Variants in EYS observed in about 807,000 individuals in gnomAD.
EYS encodes EGF-like photoreceptor maintenance factor.
Under a neutral mutation model 282.1 loss-of-function variants are expected in EYS, and 250 were observed. The ratio of observed to expected loss-of-function variants is 0.89; its 90% CI spans 0.80 to 0.98. The LOEUF is 0.98. Ranked by LOEUF, EYS falls within the 50% of genes least tolerant of loss-of-function variation. The pLI, the probability that EYS is intolerant of heterozygous loss-of-function variation, is 0.00. For synonymous variants in EYS, 1,355 were observed against 1,282.9 expected (o/e 1.06, Z -1.20); for missense variants, 4,016 against 3,709.0 (o/e 1.08, Z -2.15).
At chr6:64,797,301 A>T (rs1057287315) in intron 22 of EYS, among the ~76,000 whole-genome samples, 3 of 151,644 alleles carry the variant, frequency 2.0e-5, no homozygotes, top group Non-Finnish European at 4.4e-5. Context: ...CACAGCAGGG[A>T]TTGACAAAGA....
intron 22 of EYS, among the ~76,000 whole-genome samples, chr6:64,688,742 G>A (rs182148975): frequency 6.6e-4 from 100 of 152,180 alleles, no homozygotes; most frequent in African/African-American, 2.0e-3. Flanking sequence ...TATTAGGTCC[G>A]CTTGGTGCAG....
At chr6:64,076,130 T>C (rs1214149600) in intron 32 of EYS, among the ~76,000 whole-genome samples, 2 of 152,024 alleles carry the variant, frequency 1.3e-5, no homozygotes, top group African/African-American at 2.4e-5. Flanking sequence ...ATTTTTTAAG[T>C]AAATGCGTGA....
chr6:64,338,041 T>C lies in EYS; in HGVS notation c.6079-30959A>G, dbSNP rs529752063. Among the ~76,000 whole-genome samples the C allele has an allele frequency of 2.6e-5, 4 of 151,892 alleles. No individual in the cohort carries two copies. In the East Asian group the frequency reaches 7.8e-4, roughly 29 times the overall value. On this transcript the variant is annotated intron_variant, in intron 29 of 42. Transcript: ENST00000503581. ...CAACATAATACTGGATGGGGAAAAGTTGAAAACATTCTCTCTGAGAACTGG... is the reference window on the plus strand; with the variant it reads ...CAACATAATACTGGATGGGGAAAAGCTGAAAACATTCTCTCTGAGAACTGG...
At chr6:63,826,882 A>G (rs973843369) in intron 36 of EYS, among the ~76,000 whole-genome samples, 1 of 151,810 alleles carries the variant, frequency 6.6e-6, no homozygotes, top group Non-Finnish European at 1.5e-5. Context: ...AACAAAAAAA[A>G]AATACATAGG....
chr6:63,936,014 C>G (rs983117754), intron 35 of EYS, among the ~76,000 whole-genome samples: 1 of 152,154 alleles, frequency 6.6e-6, no homozygotes, highest in Admixed American at 6.6e-5. Context: ...ATCTCCAAAG[C>G]CAGAGAACAT....
chr6:64,017,923 A>T (rs762513735), intron 33 of EYS, among the ~76,000 whole-genome samples: 12 of 152,168 alleles, frequency 7.9e-5, no homozygotes, highest in Non-Finnish European at 1.3e-4. Flanking sequence ...TGACCTTCTA[A>T]ACCCTTATAT....
At chr6:63,844,146 G>C (rs1369832777) in intron 36 of EYS, among the ~76,000 whole-genome samples, 1 of 152,126 alleles carries the variant, frequency 6.6e-6, no homozygotes, top group Non-Finnish European at 1.5e-5. Context: ...GGGGATAATG[G>C]CTTCCAACTC....
At chr6:64,839,705 G>C (rs1765503850) in intron 19 of EYS, among the ~76,000 whole-genome samples, 1 of 151,990 alleles carries the variant, frequency 6.6e-6, no homozygotes, top group Non-Finnish European at 1.5e-5. Flanking sequence ...TCAAGGTGCT[G>C]ACAGGTTTGG....
At chr6:65,123,281 T>C (rs1015278947) in intron 12 of EYS, among the ~76,000 whole-genome samples, 2 of 152,200 alleles carry the variant, frequency 1.3e-5, no homozygotes, top group Non-Finnish European at 2.9e-5. Flanking sequence ...AGAGGAAGAA[T>C]GAAAGCATAA....
At chr6:65,280,363 A>G (rs1360037930) in intron 12 of EYS, among the ~76,000 whole-genome samples, 1 of 152,168 alleles carries the variant, frequency 6.6e-6, no homozygotes, top group Non-Finnish European at 1.5e-5. Context: ...TGTATCAGAC[A>G]TGTTGGGTGA....
intron 26 of EYS, among the ~76,000 whole-genome samples, chr6:64,500,826 A>G (rs1173797774): frequency 6.6e-6 from 1 of 152,102 alleles, no homozygotes; most frequent in African/African-American, 2.4e-5. Context: ...GATTGTGTCA[A>G]GATGATGGGA....
intron 22 of EYS, among the ~76,000 whole-genome samples, chr6:64,749,964 G>A (rs997270836): frequency 2.6e-5 from 4 of 151,830 alleles, no homozygotes; most frequent in African/African-American, 9.7e-5. Flanking sequence ...AATATTATTA[G>A]AAGTATTATA....
intron 36 of EYS, among the ~76,000 whole-genome samples, chr6:63,840,329 G>A (rs971502679): frequency 1.3e-5 from 2 of 151,846 alleles, no homozygotes; most frequent in Admixed American, 1.3e-4. Flanking sequence ...CTCCCAAAGT[G>A]CTGGGATTAC....
At chr6:65,693,936 T>TA (rs1416227376) in intron 1 of EYS, among the ~76,000 whole-genome samples, 1 of 150,280 alleles carries the variant, frequency 6.7e-6, no homozygotes, top group Non-Finnish European at 1.5e-5. Flanking sequence ...TAGTGTTTAC[T>TA]ACTTTTAAGA....
At chr6:64,855,668 G>A (rs867461774) in intron 19 of EYS, among the ~76,000 whole-genome samples, 8 of 152,078 alleles carry the variant, frequency 5.3e-5, no homozygotes, top group African/African-American at 1.9e-4. Flanking sequence ...TTCTCTCTAT[G>A]GGTTGTATAG....
intron 14 of EYS, among the ~76,000 whole-genome samples, chr6:64,976,298 G>T (rs1770472914): frequency 6.6e-6 from 1 of 151,644 alleles, no homozygotes; most frequent in Non-Finnish European, 1.5e-5. Flanking sequence ...TATTCAAAGT[G>T]CCATGCCTTA....
chr6:65,005,350 A>G (rs1261858447), intron 13 of EYS, among the ~76,000 whole-genome samples: 1 of 147,490 alleles, frequency 6.8e-6, no homozygotes, highest in African/African-American at 2.4e-5. Context: ...ATAGAGCTAT[A>G]ACACTTACCG....
chr6:63,956,379 C>G (rs531584911), intron 35 of EYS, among the ~76,000 whole-genome samples: 1 of 152,118 alleles, frequency 6.6e-6, no homozygotes, highest in Non-Finnish European at 1.5e-5. Context: ...CCATTACCAA[C>G]CCAAATCCTG....
At chr6:64,894,522 A>G (rs1583269644) in intron 18 of EYS, among the ~76,000 whole-genome samples, 1 of 152,158 alleles carries the variant, frequency 6.6e-6, no homozygotes, top group African/African-American at 2.4e-5. Flanking sequence ...GAGGACAGAG[A>G]CATAATTCAG....
Sources: gnomAD v4.1 joint callset for allele counts (sites outside exome capture counted in the v4.1 genomes callset) on GRCh38, gnomAD v4.1.1 for gene constraint, MANE v1.5 for transcripts, NCBI Gene and HGNC (gene_info 2026-07-23, HGNC 2026-07-21) for gene names.